The following RTL4 variants were observed in gnomAD, a reference collection of about 807,000 sequenced individuals.
RTL4 encodes retrotransposon Gag-like protein 4.
A neutral mutation model predicts 5.3 loss-of-function variants in RTL4; 4 were observed. That is an observed-to-expected ratio of 0.75 (90% CI 0.37 to 1.72). RTL4 has a LOEUF of 1.72. Among genes scored for constraint, RTL4 ranks in the 40% most tolerant of loss-of-function variants. The pLI, the probability that RTL4 is intolerant of heterozygous loss-of-function variation, is 0.04. For missense variants in RTL4, 260 were observed against 227.1 expected (o/e 1.14, Z -0.93); for synonymous variants, 98 against 87.3 (o/e 1.12, Z -0.68).
At chrX:112,410,407 T>C in the RTL4 span, among the ~76,000 whole-genome samples, 1 of 111,955 alleles carries the variant, frequency 8.9e-6, no homozygotes, top group Non-Finnish European at 1.9e-5. Context: ...TATAGAACAT[T>C]TCATCCATTG....
At chrX:112,437,125 C>A in the RTL4 span, among the ~76,000 whole-genome samples, 1 of 111,705 alleles carries the variant, frequency 9.0e-6, no homozygotes, top group Non-Finnish European at 1.9e-5. Flanking sequence ...TTAGCTTCTA[C>A]CTACTTTCCT....
At chrX:112,392,158 G>A in the RTL4 span, among the ~76,000 whole-genome samples, 4 of 111,925 alleles carry the variant, frequency 3.6e-5, no homozygotes, top group Admixed American at 1.9e-4. Context: ...CACAACAGAC[G>A]CAGTGGCAGA....
the RTL4 span, among the ~76,000 whole-genome samples, chrX:112,263,073 A>G: frequency 5.2e-5 from 4 of 76,673 alleles, no homozygotes; most frequent in Non-Finnish European, 4.9e-5. Flanking sequence ...GGGAGGGGGG[A>G]GGGATAGCAT....
chrX:112,326,728 A>C, the RTL4 span, among the ~76,000 whole-genome samples: 13 of 112,131 alleles, frequency 1.2e-4, no homozygotes, highest in African/African-American at 3.9e-4. Flanking sequence ...AAAAGACAGC[A>C]GTAACCTCTG....
At chrX:112,318,426 C>G in the RTL4 span, among the ~76,000 whole-genome samples, 1 of 111,795 alleles carries the variant, frequency 8.9e-6, no homozygotes, top group South Asian at 3.8e-4. Flanking sequence ...CTAGAACAAT[C>G]CCTGGCACAC....
chrX:112,328,077 A>T, the RTL4 span, among the ~76,000 whole-genome samples: 1 of 109,080 alleles, frequency 9.2e-6, no homozygotes, highest in African/African-American at 3.4e-5. Context: ...GACCATCGAG[A>T]CTAGGAAGAA....
At chrX:112,446,336 C>T in the RTL4 span, among the ~76,000 whole-genome samples, 1 of 111,405 alleles carries the variant, frequency 9.0e-6, no homozygotes, top group East Asian at 2.8e-4. Context: ...ACTAAATGAC[C>T]CATTCATCCA....
the RTL4 span, among the ~76,000 whole-genome samples, chrX:112,227,582 T>C: frequency 8.9e-6 from 1 of 111,954 alleles, no homozygotes; most frequent in African/African-American, 3.3e-5. Context: ...GTCTAAAGTC[T>C]TTCCAGAATG....
At chrX:112,439,723 GCT>G in the RTL4 span, among the ~76,000 whole-genome samples, 1 of 111,178 alleles carries the variant, frequency 9.0e-6, no homozygotes, top group Non-Finnish European at 1.9e-5. Context: ...GTGACTTCTT[GCT>G]CTGTTAGTTC....
At chrX:112,179,583 A>G in the RTL4 span, among the ~76,000 whole-genome samples, 1 of 111,804 alleles carries the variant, frequency 8.9e-6, no homozygotes, top group Non-Finnish European at 1.9e-5. Flanking sequence ...CTTGAGGCCC[A>G]AAGAGTCAAT....
chrX:112,213,773 C>A, the RTL4 span, among the ~76,000 whole-genome samples: 1 of 110,677 alleles, frequency 9.0e-6, no homozygotes, highest in African/African-American at 3.3e-5. Context: ...AAACTCTGTA[C>A]CAATTAAACA....
the RTL4 span, among the ~76,000 whole-genome samples, chrX:112,175,511 T>C: frequency 9.2e-6 from 1 of 109,028 alleles, no homozygotes; most frequent in East Asian, 2.9e-4. Flanking sequence ...AGTCAGGTAG[T>C]GTGATGCCTC....
the RTL4 span, among the ~76,000 whole-genome samples, chrX:112,234,953 C>T: frequency 9.0e-6 from 1 of 111,295 alleles, no homozygotes; most frequent in Non-Finnish European, 1.9e-5. Context: ...TAGTATTTAT[C>T]AAGTGGGAGG....
the RTL4 span, among the ~76,000 whole-genome samples, chrX:112,378,503 G>C: frequency 0.019 from 2,126 of 111,726 alleles, 18 homozygotes; most frequent in African/African-American, 0.03. Flanking sequence ...GGACAAGAAA[G>C]TCCAAGAAAG....
chrX:112,199,288 C>CAAAA, the RTL4 span, among the ~76,000 whole-genome samples: 1 of 34,170 alleles, frequency 2.9e-5, no homozygotes, highest in Non-Finnish European at 5.7e-5. Context: ...GGCTCCGTCT[C>CAAAA]AAAAAAAAAA....
At chrX:112,264,630 G>C in the RTL4 span, among the ~76,000 whole-genome samples, 2 of 111,946 alleles carry the variant, frequency 1.8e-5, no homozygotes. Flanking sequence ...ACTTCACACT[G>C]TTTCTAGTGT....
chrX:112,230,217 C>A, the RTL4 span, among the ~76,000 whole-genome samples: 1 of 112,664 alleles, frequency 8.9e-6, no homozygotes, highest in African/African-American at 3.2e-5. Flanking sequence ...CCTACTCAAG[C>A]CTGAGCAATG....
chrX:112,330,049 T>C, the RTL4 span, among the ~76,000 whole-genome samples: 1 of 101,431 alleles, frequency 9.9e-6, no homozygotes, highest in Non-Finnish European at 2.0e-5. Flanking sequence ...CCACAGCCAA[T>C]ATCATACTGA....
chrX:112,449,426 A>T, the RTL4 span, among the ~76,000 whole-genome samples: 5 of 97,514 alleles, frequency 5.1e-5, no homozygotes, highest in African/African-American at 2.1e-4. Flanking sequence ...TTGGAGCCAA[A>T]TATTTTCTAC....
Sources: gnomAD v4.1 joint callset for allele counts (sites outside exome capture counted in the v4.1 genomes callset) on GRCh38, gnomAD v4.1.1 for gene constraint, MANE v1.5 for transcripts, NCBI Gene and HGNC (gene_info 2026-07-23, HGNC 2026-07-21) for gene names.